CROCC2: variants seen among roughly 807,000 people sequenced by gnomAD.
CROCC2 encodes ciliary rootlet coiled-coil protein 2.
In CROCC2, 163 loss-of-function variants were observed where a neutral mutation model predicts 177.6. The observed-to-expected ratio is 0.92, with a 90% CI of 0.81 to 1.05. The LOEUF (loss-of-function observed/expected upper bound fraction) is 1.05. Ranked by LOEUF, CROCC2 falls within the 50% of genes least tolerant of loss-of-function variation. The pLI is 0.00. For synonymous variants in CROCC2, 904 were observed against 787.3 expected, an observed-to-expected ratio of 1.15 and a Z score of -2.48; for missense variants, 1,929 against 1,797.8, an observed-to-expected ratio of 1.07 and a Z score of -1.32.
intron 9 of CROCC2, 60 bp from the exon 10 acceptor site, chr2:240,933,071 G>C: frequency 6.5e-7 from 1 of 1,541,918 alleles, no homozygotes. Flanking sequence ...GCCCTGGTGG[G>C]CCTCGGTGGG....
At position 240,972,434 on chromosome 2, in the gene CROCC2, G is replaced by A. The variant is rs1485863409; in HGVS notation, c.4401+4172G>A. On this transcript the variant is annotated intron_variant, in intron 27 of 31. Transcript: ENST00000690015. This position sits in a 1 kb window ranked among gnomAD's most constrained non-coding sequence, Gnocchi z 7.1. ...GCTGCTTGCCTCACAGGGATGGAGG[G>A]CTCCCCGGGTCCCCCAGCCACAGCA... Among the ~76,000 whole-genome samples the A allele has an allele frequency of 6.6e-6, 1 of 152,084 alleles. No homozygotes were observed. The highest frequency in any genetic ancestry group is 1.5e-5 in the Non-Finnish European group (1 of 68,034).
At chr2:240,983,485 G>C (rs1421725185) in intron 28 of CROCC2, 2 of 1,242,558 alleles carry the variant, frequency 1.6e-6, no homozygotes, top group Non-Finnish European at 2.1e-6. Flanking sequence ...CGCAGGCGGA[G>C]AGGCGCGTCC....
rs995696551 is a variant in CROCC2, at chr2:240,972,021, T to C, written c.4401+3759T>C. ...GAGAACACTAGTTACCATCTTCTGGTGTGTGTCAGTAGCTCACTTCTCTGT... is the reference window on the plus strand; with the variant it reads ...GAGAACACTAGTTACCATCTTCTGGCGTGTGTCAGTAGCTCACTTCTCTGT... On this transcript the variant is annotated intron_variant, in intron 27 of 31. Coordinates refer to ENST00000690015, the MANE Select transcript of CROCC2 (RefSeq NM_001351305.2). This position sits in a 1 kb window ranked among gnomAD's most constrained non-coding sequence, Gnocchi z 7.1. 3.9e-5 allele frequency among the ~76,000 whole-genome samples: 6 copies of C among 152,176 alleles called. No homozygotes were observed. Among genetic ancestry groups the C allele is most frequent in the Non-Finnish European group, 7.3e-5 (5 of 68,042 alleles).
chr2:240,913,693 GTGA>G (rs1336106807), intron 1 of CROCC2, among the ~76,000 whole-genome samples: 1 of 152,252 alleles, frequency 6.6e-6, no homozygotes, highest in East Asian at 1.9e-4. Context: ...CCGCTCCTGG[GTGA>G]TGCCCAGGCC....
At chr2:240,929,916 G>T (rs1165883768) in intron 5 of CROCC2, among the ~76,000 whole-genome samples, 1 of 152,204 alleles carries the variant, frequency 6.6e-6, no homozygotes, top group African/African-American at 2.4e-5. Context: ...CCACCTCCAT[G>T]CACGCAGGCT....
intron 20 of CROCC2, among the ~76,000 whole-genome samples, chr2:240,961,620 GAC>G (rs990670818): frequency 1.8e-4 from 21 of 118,302 alleles, no homozygotes; most frequent in African/African-American, 5.4e-4. Flanking sequence ...ATACACTCAT[GAC>G]ACATGCACAC....
chr2:240,949,135 G>A lies in CROCC2; in HGVS notation c.2482+38G>A, dbSNP rs1020541689. ...CGCTCCCTCAGCTCCTTCCCCGAAAGTCAGCCATGGAGGGGCCCCTGGAAT... is the reference window on the plus strand; with the variant it reads ...CGCTCCCTCAGCTCCTTCCCCGAAAATCAGCCATGGAGGGGCCCCTGGAAT... On this transcript the variant is annotated intron_variant, in intron 16 of 31. Coordinates refer to ENST00000690015, the MANE Select transcript of CROCC2 (RefSeq NM_001351305.2). The surrounding 1 kb of genome is among the most constrained non-coding windows in gnomAD (Gnocchi z 4.5). 4.7e-6 allele frequency: 7 copies of A among 1,492,056 alleles called. No homozygotes were observed. The African/African-American group carries it at 9.8e-5, about 21-fold the overall frequency. 92.4% of individuals were successfully genotyped at this position (1,492,056 alleles called of 1,614,324 possible).
At chr2:240,925,358 C>T (rs2059389270) in intron 4 of CROCC2, among the ~76,000 whole-genome samples, 1 of 152,136 alleles carries the variant, frequency 6.6e-6, no homozygotes, top group Non-Finnish European at 1.5e-5. Flanking sequence ...TCCCTCTCCG[C>T]GTCACCCCGC....
rs1347420541 is a variant in CROCC2 at position 240,932,799 on chromosome 2, C to T, written c.1142C>T (p.Thr381Ile). 2 of 1,493,534 alleles carry T rather than the reference C, an allele frequency of 1.3e-6. No homozygotes were observed. Among genetic ancestry groups the T allele is most frequent in the South Asian group, 1.2e-5 (1 of 82,232 alleles). The allele number at this position is 1,493,534 out of a possible 1,614,324, so 92.5% of individuals were successfully genotyped here. A position where few individuals can be genotyped will look rare whatever the true frequency, so the allele number is the denominator to read the frequency against. The change falls in exon 9 of 32, where the codon ACA (threonine) becomes ATA (isoleucine). Residue 381 changes from threonine to isoleucine, a missense_variant. Thr to Ile is a moderately conservative substitution (Grantham distance 89, BLOSUM62 -1). Around this residue, in one of 3 missense-constraint regions of CROCC2, gnomAD observed 1,397 missense variants for 1,239.9 expected, o/e 1.13. Transcript: ENST00000690015. The stretch of plus-strand genomic sequence containing the variant: ...CCACTGAGGAGCCCCCAACGTGCCA[C>T]ATCCCCCCATCAAGGGGCGTCCCCA... ...RRPLRSPQRA[T>I]SPHQGASPPH...
rs890926474 is a variant in CROCC2, at chr2:240,917,557, C to T, written c.79-1169C>T. 6.6e-6 allele frequency among the ~76,000 whole-genome samples: 1 copy of T among 152,080 alleles called. No homozygotes were observed. Among genetic ancestry groups the T allele is most frequent in the African/African-American group, 2.4e-5 (1 of 41,420 alleles). Reference sequence around the variant, plus strand: ...GTGGACCCTGGTCAGGAGGAAAATCCAGGAGGCACAAGGTGGGGGAGCTGC... The same window carrying T: ...GTGGACCCTGGTCAGGAGGAAAATCTAGGAGGCACAAGGTGGGGGAGCTGC... On this transcript the variant is annotated intron_variant, in intron 1 of 31. Transcript: ENST00000690015. This position sits in a 1 kb window ranked among gnomAD's most constrained non-coding sequence, Gnocchi z 4.9.
At chr2:240,981,264 G>A (rs1389976335) in intron 27 of CROCC2, among the ~76,000 whole-genome samples, 2 of 151,942 alleles carry the variant, frequency 1.3e-5, no homozygotes, top group African/African-American at 4.8e-5. Flanking sequence ...CTGGAGCCCA[G>A]GCTCATCCCT....
At chr2:240,916,069 C>T (rs2059318348) in intron 1 of CROCC2, among the ~76,000 whole-genome samples, 1 of 152,134 alleles carries the variant, frequency 6.6e-6, no homozygotes, top group African/African-American at 2.4e-5. Flanking sequence ...TACCCGCCGG[C>T]GCAGGTGGCA....
chr2:240,956,505 G>GCCCC (rs2059591437), intron 19 of CROCC2: 1 of 154,214 alleles, frequency 6.5e-6, no homozygotes, highest in Non-Finnish European at 1.4e-5. Context: ...GGCTAGGACA[G>GCCCC]CCCCCCAGCA....
intron 18 of CROCC2, 49 bp from the exon 19 acceptor site, chr2:240,955,809 CT>C: frequency 7.4e-7 from 1 of 1,349,508 alleles, no homozygotes; most frequent in Non-Finnish European, 1.0e-6. Flanking sequence ...GGCCTCTTCC[CT>C]CCCCCGAGAC....
intron 26 of CROCC2, 59 bp downstream of exon 26, chr2:240,967,524 A>C: frequency 6.6e-7 from 1 of 1,521,608 alleles, no homozygotes; most frequent in Non-Finnish European, 8.9e-7. Context: ...TGGCACCACC[A>C]TGTCCCCACT....
At chr2:240,925,270 A>C (rs1436646132) in intron 4 of CROCC2, among the ~76,000 whole-genome samples, 3 of 152,284 alleles carry the variant, frequency 2.0e-5, no homozygotes, top group South Asian at 2.1e-4. Context: ...CCCCTACTGC[A>C]GCAAGTGTGG....
At chr2:240,944,203 G>A (rs1043215448) in intron 14 of CROCC2, among the ~76,000 whole-genome samples, 8 of 152,110 alleles carry the variant, frequency 5.3e-5, no homozygotes, top group African/African-American at 9.7e-5. Flanking sequence ...TTCATTTCAC[G>A]CCTATGTGTC....
At position 240,934,324 on chromosome 2, in the gene CROCC2, G is replaced by A. The variant is rs1263487897; in HGVS notation, c.1647-7G>A. 1.2e-5 allele frequency: 19 copies of A among 1,548,110 alleles called. No homozygotes were observed. Among genetic ancestry groups the A allele is most frequent in the Admixed American group, 5.9e-5 (3 of 50,966 alleles). On this transcript the variant is annotated splice_polypyrimidine_tract_variant and splice_region_variant and intron_variant, in intron 11 of 31. Coordinates refer to ENST00000690015, the MANE Select transcript of CROCC2 (RefSeq NM_001351305.2). ...GCGACCTCCCGCCCTCTGGTCTGGGGCCTCAGTCAAGGCCGCCTGCAGCAG... is the reference window on the plus strand; with the variant it reads ...GCGACCTCCCGCCCTCTGGTCTGGGACCTCAGTCAAGGCCGCCTGCAGCAG...
At chr2:240,925,093 T>C (rs888957064) in intron 4 of CROCC2, among the ~76,000 whole-genome samples, 31 of 151,784 alleles carry the variant, frequency 2.0e-4, no homozygotes, top group Non-Finnish European at 4.1e-4. Flanking sequence ...AAGTTGTCTA[T>C]AGAATATCGA....
Sources: gnomAD v4.1 joint callset for allele counts (sites outside exome capture counted in the v4.1 genomes callset) on GRCh38, gnomAD v4.1.1 for gene constraint, gnomAD v4.1.1 regional missense constraint, Gnocchi (gnomAD v3.1) non-coding constraint, MANE v1.5 for transcripts, NCBI Gene and HGNC (gene_info 2026-07-23, HGNC 2026-07-21) for gene names.